SNTG1: variants seen among roughly 807,000 people sequenced by gnomAD.
SNTG1 encodes the protein gamma-1-syntrophin.
A neutral mutation model predicts 74.7 loss-of-function variants in SNTG1; 39 were observed. That is an observed-to-expected ratio of 0.52 (90% confidence interval 0.40 to 0.68). The LOEUF is 0.68. Ranked by LOEUF, SNTG1 falls within the 30% of genes least tolerant of loss-of-function variation. The pLI is 0.00. For synonymous variants in SNTG1, 254 were observed against 217.1 expected (o/e 1.17, Z -1.49); for missense variants, 685 against 609.5 (o/e 1.12, Z -1.30).
chr8:50,021,946 A>T (rs943480888), intron 1 of SNTG1, among the ~76,000 whole-genome samples: 26 of 146,192 alleles, frequency 1.8e-4, no homozygotes, highest in East Asian at 2.0e-4. Context: ...CTCAAAAAAA[A>T]AATAAAAATA....
Position 50,402,236 on chromosome 8 carries a change from G to C in SNTG1, c.54G>C (p.Gln18His), listed in dbSNP as rs760520126. 1 of 1,603,438 alleles carries C rather than the reference G, an allele frequency of 6.2e-7. No homozygotes were observed. The highest frequency in any genetic ancestry group is 1.4e-5 in the African/African-American group (1 of 74,010). ...CAAAGACAGGAATTTGTTTGCTGCA[G>C]GATGGTAACCAGGAGCCTTTCAAAG... ...EETKTGICLLQDGNQEPFKVR... is the reference protein window; with the variant it reads ...EETKTGICLLHDGNQEPFKVR... Residue 18 changes from glutamine (Q) to histidine (H), a missense_variant, in exon 4 of 19, where the codon CAG becomes CAC. By Grantham distance (24) the Gln-to-His change is conservative. Coordinates refer to ENST00000642720, the MANE Select transcript of SNTG1 (RefSeq NM_018967.5).
chr8:50,678,933 C>T (rs983983471), intron 15 of SNTG1, among the ~76,000 whole-genome samples: 1 of 152,036 alleles, frequency 6.6e-6, no homozygotes, highest in Non-Finnish European at 1.5e-5. Flanking sequence ...TAAACACATA[C>T]ATACACAACT....
At chr8:50,334,934 T>C (rs2091091932) in intron 2 of SNTG1, among the ~76,000 whole-genome samples, 1 of 152,242 alleles carries the variant, frequency 6.6e-6, no homozygotes, top group South Asian at 2.1e-4. Context: ...AATGTGTTCA[T>C]GCCCAACTCT....
intron 8 of SNTG1, among the ~76,000 whole-genome samples, chr8:50,498,342 C>T (rs1254532282): frequency 1.3e-5 from 2 of 151,780 alleles, no homozygotes; most frequent in African/African-American, 2.4e-5. Context: ...TTTTAATTTA[C>T]ATTTCACTAA....
chr8:50,789,539 C>T (rs1476313837), intron 18 of SNTG1, among the ~76,000 whole-genome samples: 1 of 151,972 alleles, frequency 6.6e-6, no homozygotes, highest in East Asian at 1.9e-4. Context: ...CACTTATCAC[C>T]TATATGTCTA....
intron 9 of SNTG1, among the ~76,000 whole-genome samples, chr8:50,529,078 G>C (rs1447580439): frequency 6.6e-6 from 1 of 151,830 alleles, no homozygotes; most frequent in South Asian, 2.1e-4. Flanking sequence ...CAGTCACAGA[G>C]TTTGATATGT....
chr8:50,582,810 C>G (rs2094619716), intron 12 of SNTG1, among the ~76,000 whole-genome samples: 1 of 152,004 alleles, frequency 6.6e-6, no homozygotes, highest in African/African-American at 2.4e-5. Context: ...TTTTAACTTT[C>G]TGTTCTATGT....
At chr8:50,213,652 T>A (rs955179744) in intron 2 of SNTG1, among the ~76,000 whole-genome samples, 1 of 151,898 alleles carries the variant, frequency 6.6e-6, no homozygotes, top group South Asian at 2.1e-4. Context: ...CTCATTGTGG[T>A]TTTGATTTGC....
chr8:50,307,484 C>T (rs2089949835), intron 2 of SNTG1, among the ~76,000 whole-genome samples: 2 of 151,858 alleles, frequency 1.3e-5, no homozygotes, highest in South Asian at 2.1e-4. Context: ...TTCCATCTTT[C>T]TGTTTCAAGG....
intron 15 of SNTG1, among the ~76,000 whole-genome samples, chr8:50,664,239 C>T (rs569297970): frequency 1.2e-4 from 19 of 152,272 alleles, no homozygotes; most frequent in Non-Finnish European, 1.8e-4. Context: ...TTTAGCATTA[C>T]AGACCTCTGG....
chr8:50,562,443 G>A (rs950496406), intron 12 of SNTG1, among the ~76,000 whole-genome samples: 5 of 152,158 alleles, frequency 3.3e-5, no homozygotes, highest in Non-Finnish European at 5.9e-5. Context: ...GATGGAGAAG[G>A]GAATGCAATT....
chr8:50,049,162 C>A (rs978942674), intron 1 of SNTG1, among the ~76,000 whole-genome samples: 4 of 151,970 alleles, frequency 2.6e-5, no homozygotes, highest in Non-Finnish European at 4.4e-5. Flanking sequence ...TACATTAAGT[C>A]AACTATGTCA....
At chr8:50,299,096 T>A (rs2089524682) in intron 2 of SNTG1, among the ~76,000 whole-genome samples, 1 of 152,198 alleles carries the variant, frequency 6.6e-6, no homozygotes, top group South Asian at 2.1e-4. Context: ...ATGTTAAGTA[T>A]GATCAAATTT....
intron 8 of SNTG1, among the ~76,000 whole-genome samples, chr8:50,475,064 C>T (rs1184909762): frequency 3.6e-5 from 4 of 109,916 alleles, no homozygotes; most frequent in African/African-American, 1.5e-4. Context: ...ACATCACACA[C>T]TGGGGACTGT....
chr8:50,693,365 C>T (rs563990533), intron 15 of SNTG1, among the ~76,000 whole-genome samples: 6 of 152,210 alleles, frequency 3.9e-5, no homozygotes, highest in East Asian at 1.9e-4. Context: ...AGCTGTAGAC[C>T]GGAGCTGTTC....
Position 50,567,104 on chromosome 8 carries a change from A to G in SNTG1, c.810+13925A>G, listed in dbSNP as rs149673861. On this transcript the variant is annotated intron_variant, in intron 12 of 18. Coordinates refer to ENST00000642720, the MANE Select transcript of SNTG1 (RefSeq NM_018967.5). ...ATTCTCAAGAATCATTATTTGGGTAATAGAATGTTGATGAAACTGGACAAA... is the reference window on the plus strand; with the variant it reads ...ATTCTCAAGAATCATTATTTGGGTAGTAGAATGTTGATGAAACTGGACAAA... 5.4e-3 allele frequency among the ~76,000 whole-genome samples: 815 copies of G among 152,146 alleles called. 7 individuals are homozygous for G. The highest frequency in any genetic ancestry group is 0.018 in the African/African-American group (756 of 41,536).
intron 2 of SNTG1, among the ~76,000 whole-genome samples, chr8:50,223,312 C>A (rs2085161638): frequency 6.6e-6 from 1 of 152,040 alleles, no homozygotes; most frequent in African/African-American, 2.4e-5. Context: ...CTTTTCTCCA[C>A]AAGCAGAATA....
intron 18 of SNTG1, among the ~76,000 whole-genome samples, chr8:50,764,163 T>A (rs1051280746): frequency 1.3e-5 from 2 of 151,806 alleles, no homozygotes; most frequent in East Asian, 3.9e-4. Flanking sequence ...TAACACCATA[T>A]ATAAAAACAA....
chr8:49,916,771 C>T (rs567330279), intron 1 of SNTG1, among the ~76,000 whole-genome samples: 16 of 151,698 alleles, frequency 1.1e-4, no homozygotes, highest in South Asian at 6.2e-4. Context: ...TTTGGGATAC[C>T]GAGGCAAGAG....
Sources: allele counts gnomAD v4.1 joint callset (sites outside exome capture counted in the v4.1 genomes callset), GRCh38; gene constraint gnomAD v4.1.1; transcripts MANE v1.5; gene names NCBI Gene and HGNC (gene_info 2026-07-23, HGNC 2026-07-21).